The following TMEM265 variants were observed in gnomAD, a reference collection of about 807,000 sequenced individuals.
TMEM265 encodes the protein transmembrane protein 265.
A neutral mutation model predicts 9.5 loss-of-function variants in TMEM265; 8 were observed. The ratio of observed to expected loss-of-function variants is 0.84; its 90% CI spans 0.49 to 1.52. The LOEUF is 1.52. TMEM265 is among the 40% of genes most tolerant of loss of function. The pLI, the probability that TMEM265 is intolerant of heterozygous loss-of-function variation, is 0.00. For synonymous variants in TMEM265, 53 were observed against 56.9 expected, an observed-to-expected ratio of 0.93 and a Z score of 0.31; for missense variants, 152 against 146.2, an observed-to-expected ratio of 1.04 and a Z score of -0.21.
chr16:30,743,362 CA>C (rs1344411101), intron 2 of TMEM265, among the ~76,000 whole-genome samples: 6 of 151,086 alleles, frequency 4.0e-5, no homozygotes, highest in Non-Finnish European at 8.8e-5. Context: ...GCCTGGGTGA[CA>C]GGAGTGAAAC....
chr16:30,742,411 C>T (rs1208030686), intron 2 of TMEM265, among the ~76,000 whole-genome samples: 2 of 152,136 alleles, frequency 1.3e-5, no homozygotes, highest in Non-Finnish European at 2.9e-5. Context: ...AGAGTTTTGA[C>T]TTTATCTTGA....
rs2053247648 is a variant in TMEM265, at chr16:30,744,926, T to C, written c.*983T>C. The C allele has an allele frequency of 6.6e-6, 1 of 152,204 alleles. No individual in the cohort carries two copies. Among genetic ancestry groups the C allele is most frequent in the Admixed American group, 6.5e-5 (1 of 15,276 alleles). 9.4% of individuals were successfully genotyped at this position (152,204 alleles called of 1,614,324 possible). The stretch of plus-strand genomic sequence containing the variant: ...TTTTTTAAAATTATGAAGTATATCA[T>C]ACATATAGGAAAATACCCAAAACAA... On this transcript the variant is annotated 3_prime_UTR_variant, in exon 3 of 3. Transcript: ENST00000615541.
intron 2 of TMEM265, among the ~76,000 whole-genome samples, chr16:30,742,976 C>T (rs572459560): frequency 1.1e-4 from 17 of 151,132 alleles, no homozygotes; most frequent in Non-Finnish European, 2.2e-4. Flanking sequence ...GGAAAGGCTA[C>T]ACAGGCTAAC....
At position 30,743,805 on chromosome 16, in the gene TMEM265, C is replaced by A; in HGVS notation, c.189C>A (p.Gly63=). ...AIKAEERHKA[G]RSEEAVRWGA... is the part of the protein sequence containing the mutation. ...AGGCGGAAGAGCGGCATAAAGCAGG[C>A]CGGTCCGAGGAGGCAGTGCGCTGGG... The change falls in exon 3 of 3, where the codon GGC becomes GGA. Residue 63 remains glycine, a synonymous_variant. Coordinates refer to ENST00000615541, the MANE Select transcript of TMEM265 (RefSeq NM_001256829.2). The A allele has an allele frequency of 6.5e-7, 1 of 1,532,576 alleles. No homozygotes were observed. The highest frequency in any genetic ancestry group is 8.7e-7 in the Non-Finnish European group (1 of 1,145,992). The allele number at this position is 1,532,576 out of a possible 1,614,324, so 94.9% of individuals were successfully genotyped here. A position where few individuals can be genotyped will look rare whatever the true frequency, so the allele number is the denominator to read the frequency against.
chr16:30,744,052 G>A lies in TMEM265; in HGVS notation c.*109G>A. 7.7e-7 allele frequency: 1 copy of A among 1,299,598 alleles called. No homozygotes were observed. Among genetic ancestry groups the A allele is most frequent in the Non-Finnish European group, 1.0e-6 (1 of 966,256 alleles). The allele number at this position is 1,299,598 out of a possible 1,614,324, so 80.5% of individuals were successfully genotyped here. On this transcript the variant is annotated 3_prime_UTR_variant, in exon 3 of 3. Transcript: ENST00000615541. ...TTGGAAGGATCCTGGTTGGAAGGAT[G>A]GGGACTCTCTCAAGGGGCTTTGGAA... is the stretch of plus-strand genomic sequence containing the variant.
intron 1 of TMEM265, 197 bp from the exon 2 acceptor site, chr16:30,741,544 A>G: frequency 1.8e-6 from 1 of 555,008 alleles, no homozygotes; most frequent in Non-Finnish European, 3.1e-6. Context: ...CAGAACCTCA[A>G]GCTTAGGTAA....
intron 2 of TMEM265, among the ~76,000 whole-genome samples, chr16:30,742,509 C>T (rs1596672874): frequency 6.6e-6 from 1 of 152,164 alleles, no homozygotes; most frequent in African/African-American, 2.4e-5. Flanking sequence ...TCAAGGCCTA[C>T]ATCGAGGGTG....
chr16:30,741,799 C>G lies in TMEM265; in HGVS notation c.56C>G (p.Pro19Arg). 6.5e-7 allele frequency: 1 copy of G among 1,532,586 alleles called. No individual in the cohort carries two copies. The highest frequency in any genetic ancestry group is 8.7e-7 in the Non-Finnish European group (1 of 1,146,200). The allele number at this position is 1,532,586 out of a possible 1,614,324, so 94.9% of individuals were successfully genotyped here. Residue 19 changes from proline to arginine, a missense_variant, in exon 2 of 3, where the codon CCT becomes CGT. Transcript: ENST00000615541. ...TTGGGCAACACGGAAGCTGCTCATCCTCCATCCCCCATCCGCTGCTGCTGG... is the reference window on the plus strand; with the variant it reads ...TTGGGCAACACGGAAGCTGCTCATCGTCCATCCCCCATCCGCTGCTGCTGG... ...EILGNTEAAH[P>R]PSPIRCCWLR... is the part of the protein sequence containing the mutation.
At chr16:30,742,162 C>G (rs1416511444) in intron 2 of TMEM265, among the ~76,000 whole-genome samples, 1 of 152,076 alleles carries the variant, frequency 6.6e-6, no homozygotes, top group East Asian at 1.9e-4. Context: ...GTGTGGGAGC[C>G]AGGGAAGATC....
At position 30,744,181 on chromosome 16, in the gene TMEM265, C is replaced by T. The variant is rs2151303376; in HGVS notation, c.*238C>T. 1 of 425,906 alleles carries T rather than the reference C, an allele frequency of 2.3e-6. No individual in the cohort carries two copies. The allele number at this position is 425,906 out of a possible 1,614,324, so 26.4% of individuals were successfully genotyped here. A position where few individuals can be genotyped will look rare whatever the true frequency, so the allele number is the denominator to read the frequency against. On this transcript the variant is annotated 3_prime_UTR_variant, in exon 3 of 3. Transcript: ENST00000615541. The stretch of plus-strand genomic sequence containing the variant: ...GGCCCCCCACCCCCATCTCCCCTAC[C>T]CTAGCCCACCCTAGGGCCTCTACCC...
intron 2 of TMEM265, among the ~76,000 whole-genome samples, chr16:30,742,663 T>G (rs2053232767): frequency 6.6e-6 from 1 of 151,850 alleles, no homozygotes; most frequent in Non-Finnish European, 1.5e-5. Context: ...CGTGGTGACT[T>G]AGGCCTGTAA....
Position 30,745,123 on chromosome 16 carries a change from G to A in TMEM265, c.*1180G>A, listed in dbSNP as rs931612706. The A allele has an allele frequency of 6.6e-6, 1 of 152,068 alleles. No homozygotes were observed. Among genetic ancestry groups the A allele is most frequent in the Non-Finnish European group, 1.5e-5 (1 of 68,010 alleles). 9.4% of individuals were successfully genotyped at this position (152,068 alleles called of 1,614,324 possible). On this transcript the variant is annotated 3_prime_UTR_variant, in exon 3 of 3. Coordinates refer to ENST00000615541, the MANE Select transcript of TMEM265 (RefSeq NM_001256829.2). ...CTAGCAGTGTCATTTAATTTTGTCT[G>A]CATTTGAACTTTATATAAATGGAAT...
chr16:30,743,049 ACTC>A (rs568538002), intron 2 of TMEM265, among the ~76,000 whole-genome samples: 3 of 151,996 alleles, frequency 2.0e-5, no homozygotes, highest in African/African-American at 7.3e-5. Context: ...AACTGTAAGA[ACTC>A]CTGGGTTCCA....
chr16:30,744,182 C>G lies in TMEM265; in HGVS notation c.*239C>G, dbSNP rs184125403. ...GCCCCCCACCCCCATCTCCCCTACC[C>G]TAGCCCACCCTAGGGCCTCTACCCA... On this transcript the variant is annotated 3_prime_UTR_variant, in exon 3 of 3. Coordinates refer to ENST00000615541, the MANE Select transcript of TMEM265 (RefSeq NM_001256829.2). 1.7e-3 allele frequency: 720 copies of G among 425,512 alleles called. 2 individuals are homozygous for G. The highest frequency in any genetic ancestry group is 0.013 in the African/African-American group (658 of 50,106). The allele number at this position is 425,512 out of a possible 1,614,324, so 26.4% of individuals were successfully genotyped here. A position where few individuals can be genotyped will look rare whatever the true frequency, so the allele number is the denominator to read the frequency against.
At chr16:30,741,336 G>C (rs1259366679) in intron 1 of TMEM265, 1 of 159,330 alleles carries the variant, frequency 6.3e-6, no homozygotes, top group African/African-American at 2.4e-5. Context: ...TAATACTCAG[G>C]GGGCAGCCTC....
intron 1 of TMEM265, 70 bp from the exon 2 acceptor site, chr16:30,741,671 G>T (rs566744857): frequency 6.9e-7 from 1 of 1,445,552 alleles, no homozygotes; most frequent in African/African-American, 1.4e-5. Flanking sequence ...TCTGAGAGGG[G>T]TGGAGTCTGA....
rs368948457 is a variant in TMEM265 at position 30,743,181 on chromosome 16, G to A, written c.166-601G>A. 2.7e-4 allele frequency among the ~76,000 whole-genome samples: 41 copies of A among 152,200 alleles called. No homozygotes were observed. In the East Asian group the frequency reaches 7.6e-3, roughly 28 times the overall value. The stretch of plus-strand genomic sequence containing the variant: ...GTGGGCAGATCACTTGAGGTCAGGA[G>A]TTCGAGACCAGCCTGACCAACATGG... On this transcript the variant is annotated intron_variant, in intron 2 of 2. Coordinates refer to ENST00000615541, the MANE Select transcript of TMEM265 (RefSeq NM_001256829.2).
intron 2 of TMEM265, among the ~76,000 whole-genome samples, chr16:30,742,709 C>T (rs558482413): frequency 9.9e-5 from 15 of 151,056 alleles, no homozygotes; most frequent in Admixed American, 7.2e-4. Flanking sequence ...GGGCAGATCA[C>T]GAGGTTAGGA....
intron 1 of TMEM265, among the ~76,000 whole-genome samples, 165 bp from the exon 2 acceptor site, chr16:30,741,576 C>T (rs965225270): frequency 1.3e-5 from 2 of 152,166 alleles, no homozygotes; most frequent in African/African-American, 2.4e-5. Context: ...CCACACATTT[C>T]CTCTCCTGCT....
Sources: gnomAD v4.1 joint callset for allele counts (sites outside exome capture counted in the v4.1 genomes callset) on GRCh38, gnomAD v4.1.1 for gene constraint, MANE v1.5 for transcripts, NCBI Gene and HGNC (gene_info 2026-07-23, HGNC 2026-07-21) for gene names.